The following EFCAB12 variants were observed in gnomAD, a reference collection of about 807,000 sequenced individuals.
EFCAB12 encodes the protein EF-hand calcium binding domain 12, also known as EF-hand calcium-binding domain-containing protein 12.
A neutral mutation model predicts 53.6 loss-of-function variants in EFCAB12; 43 were observed. That is an observed-to-expected ratio of 0.80 (90% CI 0.63 to 1.03). The LOEUF (loss-of-function observed/expected upper bound fraction) is 1.03. Ranked by LOEUF, EFCAB12 falls within the 50% of genes least tolerant of loss-of-function variation. The probability of loss-of-function intolerance (pLI) is 0.00; values close to 1 mark genes in which losing one functional copy is unlikely to be tolerated. For synonymous variants in EFCAB12, 269 were observed against 289.2 expected (o/e 0.93, Z 0.71); for missense variants, 646 against 730.6 (o/e 0.88, Z 1.34).
At chr3:129,405,450 A>G (rs576617038) in intron 6 of EFCAB12, among the ~76,000 whole-genome samples, 42 of 152,366 alleles carry the variant, frequency 2.8e-4, no homozygotes, top group Middle Eastern at 3.4e-3. Context: ...GTGATTTAAC[A>G]ATGAGTTATA....
chr3:129,419,375 G>A (rs922784485), intron 2 of EFCAB12, among the ~76,000 whole-genome samples: 1 of 152,190 alleles, frequency 6.6e-6, no homozygotes, highest in African/African-American at 2.4e-5. Context: ...ATCCACAGAT[G>A]GGCTGGGTCA....
At position 129,405,783 on chromosome 3, in the gene EFCAB12, T is replaced by C. The variant is rs575245801; in HGVS notation, c.1250-1380A>G. On this transcript the variant is annotated intron_variant, in intron 6 of 8. Coordinates refer to ENST00000505956, the MANE Select transcript of EFCAB12 (RefSeq NM_207307.3). ...GGAGATCAGGCCTCTGTCATAAAGATACCGAATAGCAAGTGGCCAAGACAG... is the reference window on the plus strand; with the variant it reads ...GGAGATCAGGCCTCTGTCATAAAGACACCGAATAGCAAGTGGCCAAGACAG... Among the ~76,000 whole-genome samples, 2 of 152,254 alleles carry C rather than the reference T, an allele frequency of 1.3e-5. 1 individual carries two copies. Among genetic ancestry groups the C allele is most frequent in the South Asian group, 4.1e-4 (2 of 4,822 alleles).
intron 4 of EFCAB12, 79 bp from the exon 5 acceptor site, chr3:129,411,433 G>T (rs949506677): frequency 2.4e-5 from 35 of 1,437,130 alleles, no homozygotes; most frequent in Admixed American, 6.6e-5. Flanking sequence ...CAGTTATCCA[G>T]TGTCACCCAG....
chr3:129,419,000 C>G (rs2072156148), intron 2 of EFCAB12, among the ~76,000 whole-genome samples: 1 of 152,166 alleles, frequency 6.6e-6, no homozygotes, highest in South Asian at 2.1e-4. Flanking sequence ...GGTATTGTTC[C>G]TCTGTGCTCC....
rs530505962 is a variant in EFCAB12 at position 129,425,684 on chromosome 3, T to C, written c.49+2756A>G. Among the ~76,000 whole-genome samples the C allele has an allele frequency of 2.0e-5, 3 of 152,332 alleles. No individual in the cohort carries two copies. The East Asian group carries it at 5.8e-4, about 29-fold the overall frequency. ...CTGTGTCCATTGACAGAAAGGGAAA[T>C]GGGCTCTTATAATAAAAGAGGCTGT... is the stretch of plus-strand genomic sequence containing the variant. On this transcript the variant is annotated intron_variant, in intron 1 of 8. Transcript: ENST00000505956.
At chr3:129,417,039 A>T (rs1485098295) in intron 3 of EFCAB12, among the ~76,000 whole-genome samples, 1 of 152,170 alleles carries the variant, frequency 6.6e-6, no homozygotes, top group Admixed American at 6.5e-5. Context: ...ATAAAAAGTC[A>T]GATAAGGCCA....
At chr3:129,426,585 C>T (rs1179960452) in intron 1 of EFCAB12, among the ~76,000 whole-genome samples, 3 of 150,610 alleles carry the variant, frequency 2.0e-5, no homozygotes, top group South Asian at 2.1e-4. Flanking sequence ...AGGATGGTCT[C>T]GATCTCCTGA....
intron 8 of EFCAB12, among the ~76,000 whole-genome samples, 161 bp downstream of exon 8, chr3:129,402,362 G>C (rs1257966128): frequency 6.6e-6 from 1 of 152,188 alleles, no homozygotes; most frequent in African/African-American, 2.4e-5. Flanking sequence ...GAAAGCCCCA[G>C]AGCAATGCCT....
intron 3 of EFCAB12, among the ~76,000 whole-genome samples, chr3:129,416,935 T>C (rs916264256): frequency 2.0e-5 from 3 of 152,182 alleles, no homozygotes; most frequent in Admixed American, 6.5e-5. Flanking sequence ...ATTACAGGCA[T>C]GAGCCAGCAT....
intron 5 of EFCAB12, 101 bp from the exon 6 acceptor site, chr3:129,408,959 A>G (rs1577039841): frequency 7.3e-7 from 1 of 1,372,024 alleles, no homozygotes; most frequent in East Asian, 2.5e-5. Flanking sequence ...CTCCCCTGCG[A>G]GGTCCCCATG....
intron 6 of EFCAB12, 56 bp downstream of exon 6, chr3:129,408,588 AC>A: frequency 6.5e-7 from 1 of 1,536,440 alleles, no homozygotes; most frequent in Admixed American, 2.0e-5. Context: ...CATCACCCTC[AC>A]CCCAGCTCTG....
At position 129,411,203 on chromosome 3, in the gene EFCAB12, C is replaced by T. The variant is rs369876229; in HGVS notation, c.990G>A (p.Met330Ile). Residue 330 changes from methionine to isoleucine, a missense_variant, in exon 5 of 9, where the codon ATG becomes ATA. Coordinates refer to ENST00000505956, the MANE Select transcript of EFCAB12 (RefSeq NM_207307.3). ...CGCGGTACCGCTTGCCCACTTCCTC[C>T]ATCTCCTCCAGGGTCATGGGCCGCG... ...METRPMTLEE[M>I]EEVGKRYRER... 81 of 1,612,772 alleles carry T rather than the reference C, an allele frequency of 5.0e-5. No individual in the cohort carries two copies. In the East Asian group the frequency reaches 1.1e-3, roughly 23 times the overall value.
At chr3:129,410,954 A>G in intron 5 of EFCAB12, among the ~76,000 whole-genome samples, 1 of 152,240 alleles carries the variant, frequency 6.6e-6, no homozygotes, top group East Asian at 1.9e-4. Context: ...TTTCAGAAAC[A>G]GGATCTTACT....
At chr3:129,420,263 G>A (rs745840795) in intron 2 of EFCAB12, among the ~76,000 whole-genome samples, 1 of 152,166 alleles carries the variant, frequency 6.6e-6, no homozygotes, top group East Asian at 1.9e-4. Flanking sequence ...TAGCGTCCTA[G>A]GCACCTTATA....
At position 129,421,393 on chromosome 3, in the gene EFCAB12, A is replaced by G. The variant is rs772518314; in HGVS notation, c.460T>C (p.Ser154Pro). ...CTGGTGGTCCTGGTAGTTGCCTGGG[A>G]GGCATTTGGCTGGGCACTCTGCTCC... ...HEEQSAQPNA[S>P]QATTRTTRKK... Residue 154 changes from serine to proline, a missense_variant, in exon 2 of 9, where the codon TCC becomes CCC. Physicochemically the swap from Ser to Pro is moderately conservative, Grantham distance 74. Transcript: ENST00000505956. 4 of 1,608,580 alleles carry G rather than the reference A, an allele frequency of 2.5e-6. No individual in the cohort carries two copies. The South Asian group carries it at 4.4e-5, about 18-fold the overall frequency.
At position 129,420,256 on chromosome 3, in the gene EFCAB12, C is replaced by T. The variant is rs139481419; in HGVS notation, c.486+1111G>A. On this transcript the variant is annotated intron_variant, in intron 2 of 8. Transcript: ENST00000505956. ...TGAGTGCTCACTATGTGCCCAATAG[C>T]GTCCTAGGCACCTTATATAAATGAA... Among the ~76,000 whole-genome samples, 57 of 152,272 alleles carry T rather than the reference C, an allele frequency of 3.7e-4. No homozygotes were observed. The East Asian group carries it at 8.9e-3, about 24-fold the overall frequency.
intron 1 of EFCAB12, among the ~76,000 whole-genome samples, chr3:129,427,944 C>A (rs971718946): frequency 2.0e-5 from 3 of 152,300 alleles, no homozygotes; most frequent in Admixed American, 6.5e-5. Context: ...CCTTTAAGCT[C>A]CAGTGTAAAG....
intron 1 of EFCAB12, among the ~76,000 whole-genome samples, chr3:129,422,752 A>C: frequency 6.6e-6 from 1 of 152,054 alleles, no homozygotes; most frequent in East Asian, 1.9e-4. Context: ...GATATTTTTC[A>C]ATCTGAGCTA....
intron 2 of EFCAB12, among the ~76,000 whole-genome samples, chr3:129,420,117 T>C (rs1355548572): frequency 1.3e-5 from 2 of 152,194 alleles, no homozygotes; most frequent in Non-Finnish European, 2.9e-5. Flanking sequence ...GTTAGACCCA[T>C]GAAATTAGGA....
Sources: allele counts gnomAD v4.1 joint callset (sites outside exome capture counted in the v4.1 genomes callset), GRCh38; gene constraint gnomAD v4.1.1; transcripts MANE v1.5; gene names NCBI Gene and HGNC (gene_info 2026-07-23, HGNC 2026-07-21).